Variants in SNTB1 observed in about 807,000 individuals in gnomAD.
SNTB1 encodes syntrophin beta 1, also known as beta-1-syntrophin.
In SNTB1, 36 loss-of-function variants were observed where a neutral mutation model predicts 48.9. The observed-to-expected ratio is 0.74, with a 90% CI of 0.56 to 0.97. SNTB1 has a LOEUF of 0.97. Among genes scored for constraint, SNTB1 ranks in the 50% least tolerant of loss-of-function variants. The pLI is 0.00. For missense variants in SNTB1, 786 were observed against 703.4 expected (o/e 1.12, Z -1.33); for synonymous variants, 299 against 294.6 (o/e 1.01, Z -0.15).
Position 120,547,604 on chromosome 8 carries a change from A to C in SNTB1, c.1333+1158T>G, listed in dbSNP as rs1051143623. 7.9e-5 allele frequency among the ~76,000 whole-genome samples: 12 copies of C among 152,056 alleles called. 1 individual carries two copies. The highest frequency in any genetic ancestry group is 2.0e-4 in the Admixed American group (3 of 15,260). On this transcript the variant is annotated intron_variant, in intron 5 of 6. Coordinates refer to ENST00000517992, the MANE Select transcript of SNTB1 (RefSeq NM_021021.4). Reference sequence around the variant, plus strand: ...CAAAACACTGTCTCAAAAAAAAAAAAAAAAAAAAACAACTTTGTTTTTCAA... The same window carrying C: ...CAAAACACTGTCTCAAAAAAAAAAACAAAAAAAAACAACTTTGTTTTTCAA...
At chr8:120,684,162 T>C (rs1285220730) in intron 2 of SNTB1, among the ~76,000 whole-genome samples, 3 of 152,198 alleles carry the variant, frequency 2.0e-5, no homozygotes, top group African/African-American at 7.2e-5. Flanking sequence ...ACCCTTGGGC[T>C]CTTTTATAAA....
chr8:120,728,500 C>A (rs747898262), intron 1 of SNTB1, among the ~76,000 whole-genome samples: 1 of 152,082 alleles, frequency 6.6e-6, no homozygotes, highest in Non-Finnish European at 1.5e-5. Context: ...CTCCCTCCCA[C>A]GGCTAGTAGT....
intron 3 of SNTB1, among the ~76,000 whole-genome samples, chr8:120,621,823 A>T (rs1323145017): frequency 6.6e-6 from 1 of 151,572 alleles, no homozygotes; most frequent in Admixed American, 6.6e-5. Flanking sequence ...TTTTCCAGAG[A>T]TCTCCTCCAC....
At chr8:120,685,606 C>A (rs141307131) in intron 2 of SNTB1, among the ~76,000 whole-genome samples, 2 of 152,290 alleles carry the variant, frequency 1.3e-5, no homozygotes, top group East Asian at 3.9e-4. Flanking sequence ...GTCATTCTTC[C>A]ATTGTCTTGA....
intron 4 of SNTB1, chr8:120,571,202 A>C (rs1285742455): frequency 3.2e-6 from 4 of 1,250,512 alleles, no homozygotes; most frequent in Non-Finnish European, 4.1e-6. Context: ...TGAGAGTTGC[A>C]GAAACTACCT....
intron 5 of SNTB1, among the ~76,000 whole-genome samples, chr8:120,547,108 T>C (rs913899316): frequency 1.3e-5 from 2 of 152,154 alleles, no homozygotes; most frequent in African/African-American, 2.4e-5. Context: ...ATTTGTCAGG[T>C]TGACAAGGGA....
At chr8:120,685,183 G>C (rs1818008952) in intron 2 of SNTB1, among the ~76,000 whole-genome samples, 1 of 152,214 alleles carries the variant, frequency 6.6e-6, no homozygotes, top group Admixed American at 6.5e-5. Flanking sequence ...TCTTGTCCCT[G>C]AGGTGGCTCT....
At chr8:120,782,356 G>C (rs532900986) in intron 1 of SNTB1, among the ~76,000 whole-genome samples, 22 of 152,152 alleles carry the variant, frequency 1.4e-4, no homozygotes, top group African/African-American at 4.6e-4. Flanking sequence ...ATGAAACCAG[G>C]AGAAAACAAA....
At chr8:120,544,606 G>C (rs763967073) in intron 5 of SNTB1, among the ~76,000 whole-genome samples, 1 of 152,090 alleles carries the variant, frequency 6.6e-6, no homozygotes, top group Non-Finnish European at 1.5e-5. Flanking sequence ...CAGCTTATTA[G>C]AGAAAGATTT....
In SNTB1 at chr8:120,811,662, C is replaced by G; in HGVS notation, c.182G>C (p.Gly61Ala). The G allele has an allele frequency of 6.3e-7, 1 of 1,593,550 alleles. No homozygotes were observed. The highest frequency in any genetic ancestry group is 8.5e-7 in the Non-Finnish European group (1 of 1,173,542). ...GCAGAACGAGCCATTGGTGGCGGTC[C>G]CGATGCCGTTGTACGCCGCAGCGCC... is the stretch of plus-strand genomic sequence containing the variant. The part of the protein sequence containing the change: ...EEGAAAYNGI[G>A]TATNGSFCRG... The change falls in exon 1 of 7, where the codon GGG (glycine) becomes GCG (alanine). Residue 61 changes from glycine to alanine, a missense_variant. By Grantham distance (60) the Gly-to-Ala change is moderately conservative. Transcript: ENST00000517992.
At chr8:120,601,284 A>G (rs1587020759) in intron 3 of SNTB1, among the ~76,000 whole-genome samples, 1 of 152,272 alleles carries the variant, frequency 6.6e-6, no homozygotes, top group Non-Finnish European at 1.5e-5. Context: ...TTACATACCT[A>G]AGGATGGTGA....
rs143804029 is a variant in SNTB1, at chr8:120,592,248, C to G, written c.997-17023G>C. ...CCAGGCTGGAGTGCAGTGTCGTGAT[C>G]ACGGCATGCTGCAGCCTCAAACTCT... is the stretch of plus-strand genomic sequence containing the variant. On this transcript the variant is annotated intron_variant, in intron 3 of 6. Transcript: ENST00000517992. Among the ~76,000 whole-genome samples the G allele has an allele frequency of 8.5e-3, 1,292 of 152,116 alleles. 16 individuals carry two copies. The highest frequency in any genetic ancestry group is 0.029 in the African/African-American group (1,214 of 41,474).
chr8:120,564,421 A>T (rs1040980404), intron 4 of SNTB1, among the ~76,000 whole-genome samples: 2 of 150,818 alleles, frequency 1.3e-5, no homozygotes, highest in Non-Finnish European at 3.0e-5. Flanking sequence ...GCTGGCACTT[A>T]ATCTGGGGCT....
chr8:120,598,753 C>T (rs542088548), intron 3 of SNTB1, among the ~76,000 whole-genome samples: 2 of 152,308 alleles, frequency 1.3e-5, no homozygotes, highest in South Asian at 2.1e-4. Context: ...GCTGCCCTCC[C>T]TCCTGATCCT....
At chr8:120,756,178 T>C (rs1288356765) in intron 1 of SNTB1, among the ~76,000 whole-genome samples, 1 of 152,206 alleles carries the variant, frequency 6.6e-6, no homozygotes, top group African/African-American at 2.4e-5. Flanking sequence ...TTCTCTTTCC[T>C]TATTTGTTTT....
At chr8:120,678,070 T>C (rs1022068932) in intron 2 of SNTB1, among the ~76,000 whole-genome samples, 3 of 151,980 alleles carry the variant, frequency 2.0e-5, no homozygotes, top group African/African-American at 7.3e-5. Context: ...TGGGAGAGGG[T>C]TTTATTCTAG....
intron 3 of SNTB1, among the ~76,000 whole-genome samples, chr8:120,583,558 C>CAAAAAA (rs1375683000): frequency 1.3e-4 from 16 of 127,040 alleles, no homozygotes; most frequent in African/African-American, 4.6e-4. Flanking sequence ...CACACACACA[C>CAAAAAA]ACAAAACTGG....
intron 1 of SNTB1, 102 bp downstream of exon 1, chr8:120,811,171 G>C: frequency 6.9e-7 from 1 of 1,439,340 alleles, no homozygotes; most frequent in Non-Finnish European, 9.2e-7. Context: ...CCCCTGGGGT[G>C]TGTCCGCATG....
chr8:120,691,021 AATCGT>A lies in SNTB1; in HGVS notation c.788+2666_788+2670del, dbSNP rs1417403921. 7.0e-3 allele frequency among the ~76,000 whole-genome samples: 1,061 copies of A among 152,300 alleles called. 14 individuals are homozygous for A. The Middle Eastern group carries it at 0.095, about 14-fold the overall frequency. On this transcript the variant is annotated intron_variant, in intron 2 of 6. Coordinates refer to ENST00000517992, the MANE Select transcript of SNTB1 (RefSeq NM_021021.4). ...CTCCCACAGGGGAAGCCCTATGTAT[AATCGT>A]CAATGGTGGACTTGACGAGCACCAA...
Sources: gnomAD v4.1 joint callset for allele counts (sites outside exome capture counted in the v4.1 genomes callset) on GRCh38, gnomAD v4.1.1 for gene constraint, MANE v1.5 for transcripts, NCBI Gene and HGNC (gene_info 2026-07-23, HGNC 2026-07-21) for gene names.